The following ERI2 variants were observed in gnomAD, a reference collection of about 807,000 sequenced individuals.
ERI2 encodes ERI1 exoribonuclease family member 2.
ERI2 carries 35 observed loss-of-function variants against 46.8 expected under a neutral mutation model. That is an observed-to-expected ratio of 0.75 (90% confidence interval 0.57 to 0.99). The LOEUF (loss-of-function observed/expected upper bound fraction) is 0.99, where lower values mean the gene tolerates loss of function less well. ERI2 is among the 50% of genes least tolerant of loss of function. The pLI, the probability that ERI2 is intolerant of heterozygous loss-of-function variation, is 0.00. For missense variants in ERI2, 695 were observed against 796.2 expected, an observed-to-expected ratio of 0.87 and a Z score of 1.53; for synonymous variants, 224 against 271.0, an observed-to-expected ratio of 0.83 and a Z score of 1.70.
rs1759630358 is a variant in ERI2 at position 20,798,203 on chromosome 16, T to C, written c.1597A>G (p.Lys533Glu). 3.9e-6 allele frequency: 6 copies of C among 1,551,646 alleles called. No homozygotes were observed. Among genetic ancestry groups the C allele is most frequent in the Non-Finnish European group, 5.2e-6 (6 of 1,146,926 alleles). Residue 533 changes from lysine (K) to glutamate (E), a missense_variant, in exon 9 of 9, where the codon AAA becomes GAA. Transcript: ENST00000357967. ...GCTTGGGGACTGCATGGATTCCTTT[T>C]GGTACCACCTGAAAGAAGAGGATGT... The part of the protein sequence containing the change: ...GKHPLLSGGT[K>E]RNPCSPQAFP...
chr16:20,798,071 A>AT lies in ERI2; in HGVS notation c.1728dup (p.Leu577IlefsTer6), dbSNP rs1208409757. 15 of 1,551,498 alleles carry AT rather than the reference A, an allele frequency of 9.7e-6. No homozygotes were observed. In the African/African-American group the frequency reaches 1.9e-4, roughly 20 times the overall value. Reference sequence around the variant, plus strand: ...TCTTGTAGGTTAACTGTAGAAGTTAATATAGATGGGAGACGCCTCCAGGAA... The same window carrying AT: ...TCTTGTAGGTTAACTGTAGAAGTTAATTATAGATGGGAGACGCCTCCAGGAA... On this transcript the variant is annotated frameshift_variant, in exon 9 of 9. Transcript: ENST00000357967. LOFTEE classifies it high-confidence loss of function.
exon 11 of ERI2, chr16:20,780,717 T>C: frequency 6.2e-7 from 1 of 1,614,192 alleles, no homozygotes. Flanking sequence ...TTTGCAGACA[T>C]GCCAGTGACA....
chr16:20,780,800 C>G, intron 10 of ERI2: 3 of 1,614,168 alleles, frequency 1.9e-6, no homozygotes, highest in Non-Finnish European at 2.5e-6. Flanking sequence ...AGTGGATATC[C>G]GAAAATGACT....
downstream of ERI2, among the ~76,000 whole-genome samples, chr16:20,794,098 A>G (rs1446630429): frequency 6.6e-6 from 1 of 152,170 alleles, no homozygotes; most frequent in Non-Finnish European, 1.5e-5. Flanking sequence ...CAAACGAGGT[A>G]TCCATGAACA....
chr16:20,801,461 G>C, intron 4 of ERI2, 102 bp from the exon 5 acceptor site: 1 of 1,274,144 alleles, frequency 7.8e-7, no homozygotes, highest in Non-Finnish European at 1.1e-6. Flanking sequence ...AAAAGAATCA[G>C]AAATGCCAAG....
intron 4 of ERI2, among the ~76,000 whole-genome samples, chr16:20,801,587 C>A (rs772044539): frequency 2.6e-5 from 4 of 151,896 alleles, no homozygotes; most frequent in South Asian, 2.1e-4. Flanking sequence ...TTAGAACCCA[C>A]CAAGGTAAGA....
At chr16:20,792,318 G>A, downstream of ERI2, 2 of 1,614,000 alleles carry the variant, frequency 1.2e-6, no homozygotes, top group Non-Finnish European at 1.7e-6. Context: ...CAGCAGCCCA[G>A]ACCCCATCAG....
chr16:20,795,662 C>T (rs2080707525), downstream of ERI2, among the ~76,000 whole-genome samples: 1 of 152,190 alleles, frequency 6.6e-6, no homozygotes, highest in Non-Finnish European at 1.5e-5. Context: ...CATTCCATAG[C>T]CAGCTCCGGG....
chr16:20,789,062 C>T (rs889469341), intron 10 of ERI2, among the ~76,000 whole-genome samples: 1 of 152,152 alleles, frequency 6.6e-6, no homozygotes, highest in Non-Finnish European at 1.5e-5. Context: ...AATTTTGATA[C>T]TTAGAAACAG....
At position 20,786,213 on chromosome 16, in the gene ERI2, AC is replaced by A. The variant is rs758686158; in HGVS notation, c.894+3265del. On this transcript the variant is annotated intron_variant, in intron 10 of 10. Coordinates refer to the ERI2 transcript ENST00000300005. ...TAACAACCCAATCTGTACACTACCT[AC>A]CTACCGCTTACCCCCATATAAACTT... 2.2e-5 allele frequency: 35 copies of A among 1,580,966 alleles called. No individual in the cohort carries two copies. The South Asian group carries it at 3.9e-4, about 18-fold the overall frequency.
intron 10 of ERI2, chr16:20,785,985 T>A (rs2080465716): frequency 9.3e-6 from 8 of 857,692 alleles, no homozygotes; most frequent in African/African-American, 1.8e-5. Context: ...CATAGTAAGT[T>A]TTCAATAAAT....
intron 3 of ERI2, 76 bp from the exon 4 acceptor site, chr16:20,802,999 A>G (rs1370597329): frequency 1.4e-6 from 2 of 1,380,458 alleles, no homozygotes; most frequent in Non-Finnish European, 1.9e-6. Flanking sequence ...TAAATTAAAC[A>G]TGTTACCATT....
At chr16:20,802,739 A>C (rs958826161) in intron 4 of ERI2, 57 bp downstream of exon 4, 218 of 1,552,360 alleles carry the variant, frequency 1.4e-4, no homozygotes, top group Middle Eastern at 1.1e-3. Flanking sequence ...CAAATGGTAT[A>C]ATAACTTTTA....
At chr16:20,801,464 A>G in intron 4 of ERI2, 105 bp from the exon 5 acceptor site, 1 of 1,247,056 alleles carries the variant, frequency 8.0e-7, no homozygotes, top group African/African-American at 1.5e-5. Flanking sequence ...AGAATCAGAA[A>G]TGCCAAGTCA....
At chr16:20,803,945 T>C (rs1359854778) in intron 1 of ERI2, among the ~76,000 whole-genome samples, 1 of 152,110 alleles carries the variant, frequency 6.6e-6, no homozygotes. Flanking sequence ...CTTAATCTCC[T>C]GGGCTCAAGC....
At position 20,798,491 on chromosome 16, in the gene ERI2, A is replaced by G. The variant is rs1240674373; in HGVS notation, c.1309T>C (p.Ser437Pro). Residue 437 changes from serine (S) to proline (P), a missense_variant, in exon 9 of 9, where the codon TCA (serine) becomes CCA (proline). Physicochemically the swap from Ser to Pro is moderately conservative, Grantham distance 74. Transcript: ENST00000357967. The part of the protein sequence containing the change: ...VPISDSDLEI[S>P]FNSGERLMVL... The stretch of plus-strand genomic sequence containing the variant: ...ATTAATCTTTCTCCAGAATTAAATG[A>G]AATCTCTAAGTCTGAGTCACTAATG... The G allele has an allele frequency of 1.9e-6, 3 of 1,551,430 alleles. No homozygotes were observed. In the African/African-American group the frequency reaches 4.1e-5, roughly 21 times the overall value.
chr16:20,801,528 G>C (rs1327687184), intron 4 of ERI2, among the ~76,000 whole-genome samples, 169 bp from the exon 5 acceptor site: 1 of 152,166 alleles, frequency 6.6e-6, no homozygotes, highest in Non-Finnish European at 1.5e-5. Context: ...AACTGGCAAA[G>C]AGTTTATTTA....
intron 10 of ERI2, chr16:20,785,167 A>G: frequency 6.3e-7 from 1 of 1,598,674 alleles, no homozygotes. Flanking sequence ...AATAAAAACC[A>G]AAGTGTCCAC....
chr16:20,806,388 C>T lies in ERI2; in HGVS notation c.23+20G>A, dbSNP rs537433386. 2.4e-5 allele frequency: 37 copies of T among 1,550,224 alleles called. No individual in the cohort carries two copies. In the East Asian group the frequency reaches 8.3e-4, roughly 35 times the overall value. On this transcript the variant is annotated intron_variant, in intron 1 of 8. Coordinates refer to ENST00000357967, the MANE Select transcript of ERI2 (RefSeq NM_001142725.2). ...TGGACCCGGAGCTACCCGCCCCCGA[C>T]CCGGAACTCCCTCGAGTACCGCGCG...
Sources: allele counts gnomAD v4.1 joint callset (sites outside exome capture counted in the v4.1 genomes callset), GRCh38; gene constraint gnomAD v4.1.1; transcripts MANE v1.5; gene names NCBI Gene and HGNC (gene_info 2026-07-23, HGNC 2026-07-21).